PLXNA1: variants seen among roughly 807,000 people sequenced by gnomAD.
PLXNA1 encodes plexin A1.
A neutral mutation model predicts 191.7 loss-of-function variants in PLXNA1; 77 were observed. The observed-to-expected ratio is 0.40, with a 90% CI of 0.33 to 0.49. The LOEUF (loss-of-function observed/expected upper bound fraction) is 0.49, where lower values mean the gene tolerates loss of function less well. Ranked by LOEUF, PLXNA1 falls within the 20% of genes least tolerant of loss-of-function variation. The pLI, the probability that PLXNA1 is intolerant of heterozygous loss-of-function variation, is 0.63. For synonymous variants in PLXNA1, 1,137 were observed against 1,156.4 expected (o/e 0.98, Z 0.34); for missense variants, 2,110 against 2,660.2 (o/e 0.79, Z 4.55).
chr3:126,991,233 T>A (rs1378198122), intron 2 of PLXNA1, 151 bp from the exon 3 acceptor site: 1 of 774,156 alleles, frequency 1.3e-6, no homozygotes, highest in Non-Finnish European at 2.0e-6. Flanking sequence ...TGCTCCCTCC[T>A]GTCTTAAACC....
At chr3:127,027,362 A>C (rs1400326095) in intron 23 of PLXNA1, 8 of 334,332 alleles carry the variant, frequency 2.4e-5, no homozygotes, top group Non-Finnish European at 4.7e-5. Flanking sequence ...CTGGGTGGGC[A>C]AGCCTCCTCA....
At chr3:126,996,979 C>T (rs933861846) in intron 3 of PLXNA1, among the ~76,000 whole-genome samples, 8 of 152,200 alleles carry the variant, frequency 5.3e-5, no homozygotes, top group African/African-American at 1.9e-4. Context: ...CTACCATCCC[C>T]GGCAGCCCCT....
At chr3:126,997,712 G>A (rs1289150054) in intron 3 of PLXNA1, among the ~76,000 whole-genome samples, 1 of 152,262 alleles carries the variant, frequency 6.6e-6, no homozygotes, top group Non-Finnish European at 1.5e-5. Context: ...TGCCCTGTGG[G>A]CATGATGAGT....
intron 20 of PLXNA1, 133 bp downstream of exon 20, chr3:127,018,661 G>A: frequency 1.3e-6 from 1 of 744,756 alleles, no homozygotes. Flanking sequence ...TAGCCTTGCT[G>A]TGCCAGAGCT....
rs771482141 is a variant in PLXNA1 at position 127,034,018 on chromosome 3, GC to G, written c.*5del. The G allele has an allele frequency of 1.3e-5, 20 of 1,595,906 alleles. 1 individual carries two copies. In the South Asian group the frequency reaches 2.2e-4, roughly 17 times the overall value. ...GGACACGATGGCCCTGAGCAGCTGA[GC>G]CCCAGCTGTGATCATCCAGCATGAT... On this transcript the variant is annotated 3_prime_UTR_variant, in exon 32 of 32. Coordinates refer to ENST00000393409, the MANE Select transcript of PLXNA1 (RefSeq NM_032242.4).
At position 127,003,490 on chromosome 3, in the gene PLXNA1, G is replaced by C. The variant is rs770929079; in HGVS notation, c.1518+20G>C. 3.2e-6 allele frequency: 5 copies of C among 1,576,288 alleles called. No homozygotes were observed. Among genetic ancestry groups the C allele is most frequent in the Non-Finnish European group, 4.3e-6 (5 of 1,153,524 alleles). ...AAGCAGGTGGGTGCTGCACCAGTCA[G>C]ACGGTGTGGCTGAAGGTGGGGGCCC... On this transcript the variant is annotated intron_variant, in intron 4 of 31. Coordinates refer to ENST00000393409, the MANE Select transcript of PLXNA1 (RefSeq NM_032242.4).
intron 23 of PLXNA1, among the ~76,000 whole-genome samples, chr3:127,026,150 G>T (rs1054381516): frequency 6.6e-6 from 1 of 152,180 alleles, no homozygotes; most frequent in Non-Finnish European, 1.5e-5. Context: ...AGAGATTGAG[G>T]CTGCGACAAG....
chr3:126,986,048 T>G (rs1327865397), intron 1 of PLXNA1, among the ~76,000 whole-genome samples: 1 of 152,204 alleles, frequency 6.6e-6, no homozygotes, highest in Non-Finnish European at 1.5e-5. Context: ...GGATGGTGGC[T>G]TCTTAGCCTG....
chr3:127,034,039 C>T lies in PLXNA1; in HGVS notation c.*22C>T, dbSNP rs1394381355. The T allele has an allele frequency of 6.4e-7, 1 of 1,570,132 alleles. No individual in the cohort carries two copies. Among genetic ancestry groups the T allele is most frequent in the South Asian group, 1.2e-5 (1 of 85,604 alleles). Reference sequence around the variant, plus strand: ...CTGAGCCCCAGCTGTGATCATCCAGCATGATGCAGCGTGAGGACAGCTGAG... The same window carrying T: ...CTGAGCCCCAGCTGTGATCATCCAGTATGATGCAGCGTGAGGACAGCTGAG... On this transcript the variant is annotated 3_prime_UTR_variant, in exon 32 of 32. Coordinates refer to ENST00000393409, the MANE Select transcript of PLXNA1 (RefSeq NM_032242.4).
chr3:127,005,917 G>A (rs2079066421), intron 7 of PLXNA1, among the ~76,000 whole-genome samples, 162 bp from the exon 8 acceptor site: 1 of 152,160 alleles, frequency 6.6e-6, no homozygotes, highest in South Asian at 2.1e-4. Context: ...GCAGATCCCA[G>A]GCCCTGGTCA....
At chr3:127,029,663 C>T (rs1223136135) in intron 27 of PLXNA1, 127 bp downstream of exon 27, 18 of 1,141,160 alleles carry the variant, frequency 1.6e-5, no homozygotes, top group Admixed American at 3.8e-5. Flanking sequence ...GCCTGTCACT[C>T]GCACTCTTGG....
In PLXNA1 at chr3:127,037,304, G is replaced by A. The variant is rs2079249329; in HGVS notation, c.*3287G>A. The A allele has an allele frequency of 6.6e-6, 1 of 152,616 alleles. No homozygotes were observed. The highest frequency in any genetic ancestry group is 2.4e-5 in the African/African-American group (1 of 41,454). 9.5% of individuals were successfully genotyped at this position (152,616 alleles called of 1,614,324 possible). The stretch of plus-strand genomic sequence containing the variant: ...CCGGCCCTCAGATGTGTACATATAC[G>A]GCTATTTCCTATTTTACTGTTCTTC... On this transcript the variant is annotated 3_prime_UTR_variant, in exon 32 of 32. Coordinates refer to ENST00000393409, the MANE Select transcript of PLXNA1 (RefSeq NM_032242.4).
chr3:126,989,013 C>T lies in PLXNA1; in HGVS notation c.420C>T (p.Phe140=), dbSNP rs777769843. The T allele has an allele frequency of 1.4e-5, 22 of 1,613,178 alleles. No individual in the cohort carries two copies. In the African/African-American group the frequency reaches 2.9e-4, roughly 22 times the overall value. Reference sequence around the variant, plus strand: ...GCGCCTCCCAGGGCATCTGCCAGTTCCTGCGTCTGGACGATCTCTTCAAAC... The same window carrying T: ...GCGCCTCCCAGGGCATCTGCCAGTTTCTGCGTCTGGACGATCTCTTCAAAC... ...CGSASQGICQ[F]LRLDDLFKLG... is the part of the protein sequence containing the mutation. The change falls in exon 2 of 32, where the codon TTC becomes TTT. Residue 140 remains phenylalanine, a synonymous_variant. Coordinates refer to ENST00000393409, the MANE Select transcript of PLXNA1 (RefSeq NM_032242.4).
At chr3:127,027,810 C>A in intron 23 of PLXNA1, 130 bp from the exon 24 acceptor site, 1 of 1,295,120 alleles carries the variant, frequency 7.7e-7, no homozygotes, top group East Asian at 2.5e-5. Flanking sequence ...TACTTGCCTC[C>A]CAAAGAGTTG....
intron 12 of PLXNA1, 29 bp downstream of exon 12, chr3:127,014,404 C>G: frequency 1.3e-6 from 2 of 1,570,492 alleles, no homozygotes; most frequent in Non-Finnish European, 1.7e-6. Flanking sequence ...CCCCCACACC[C>G]CATGCCCCGC....
At chr3:127,017,385 C>CG (rs1559962459) in intron 17 of PLXNA1, 40 bp from the exon 18 acceptor site, 1 of 1,595,182 alleles carries the variant, frequency 6.3e-7, no homozygotes, top group Non-Finnish European at 8.5e-7. Context: ...CCGGGCCACT[C>CG]GCGGAGGTCC....
chr3:127,032,974 T>C, intron 31 of PLXNA1, 138 bp downstream of exon 31: 1 of 904,340 alleles, frequency 1.1e-6, no homozygotes, highest in South Asian at 1.7e-5. Flanking sequence ...CTGCACCCTC[T>C]GGCCACCTGG....
At position 127,015,177 on chromosome 3, in the gene PLXNA1, C is replaced by T; in HGVS notation, c.2878-7C>T. The T allele has an allele frequency of 6.2e-7, 1 of 1,607,038 alleles. No homozygotes were observed. Among genetic ancestry groups the T allele is most frequent in the Non-Finnish European group, 8.5e-7 (1 of 1,175,946 alleles). On this transcript the variant is annotated splice_polypyrimidine_tract_variant and splice_region_variant and intron_variant, in intron 14 of 31. Transcript: ENST00000393409. ...TGAGAGTTTCAGCAAGTTCCCTCTT[C>T]CTGCAGACACCAACCTTCTACCGTG... is the stretch of plus-strand genomic sequence containing the variant.
rs750480382 is a variant in PLXNA1 at position 126,991,410 on chromosome 3, C to T, written c.1221C>T (p.Cys407=). ...CCCTGCAGATCGATGACGACTTCTG[C>T]GGGCAGGACTTCAACCAGCCCCTGG... ...NSPLQIDDDF[C]GQDFNQPLGG... is the part of the protein sequence containing the mutation. The change falls in exon 3 of 32, where the codon TGC becomes TGT. Residue 407 remains cysteine (C), a synonymous_variant. Coordinates refer to ENST00000393409, the MANE Select transcript of PLXNA1 (RefSeq NM_032242.4). 31 of 1,612,616 alleles carry T rather than the reference C, an allele frequency of 1.9e-5. No individual in the cohort carries two copies. Among genetic ancestry groups the T allele is most frequent in the African/African-American group, 9.3e-5 (7 of 74,932 alleles).
Sources: allele counts gnomAD v4.1 joint callset (sites outside exome capture counted in the v4.1 genomes callset), GRCh38; gene constraint gnomAD v4.1.1; transcripts MANE v1.5; gene names NCBI Gene and HGNC (gene_info 2026-07-23, HGNC 2026-07-21).